The following TSHR variants were observed in gnomAD, a reference collection of about 807,000 sequenced individuals.
TSHR encodes the protein thyrotropin receptor.
Under a neutral mutation model 64.1 loss-of-function variants are expected in TSHR, and 51 were observed. The observed-to-expected ratio is 0.80, with a 90% CI of 0.64 to 1.01. The LOEUF (loss-of-function observed/expected upper bound fraction) is 1.01. Ranked by LOEUF, TSHR falls within the 50% of genes least tolerant of loss-of-function variation. The pLI is 0.00. For missense variants in TSHR, 877 were observed against 942.8 expected, an observed-to-expected ratio of 0.93 and a Z score of 0.91; for synonymous variants, 361 against 361.9, an observed-to-expected ratio of 1.00 and a Z score of 0.03.
intron 2 of TSHR, among the ~76,000 whole-genome samples, 161 bp from the exon 3 acceptor site, chr14:81,068,093 A>T (rs987019349): frequency 3.3e-5 from 5 of 151,486 alleles, no homozygotes; most frequent in Non-Finnish European, 7.4e-5. Flanking sequence ...CTGAAAAAAA[A>T]AGTAGTAAGT....
At chr14:81,081,384 T>C (rs1410067679) in intron 3 of TSHR, among the ~76,000 whole-genome samples, 1 of 152,134 alleles carries the variant, frequency 6.6e-6, no homozygotes, top group Non-Finnish European at 1.5e-5. Context: ...TTACAAAAGA[T>C]AGAGATGAAG....
At chr14:80,985,732 C>T (rs1263633163) in intron 1 of TSHR, among the ~76,000 whole-genome samples, 2 of 152,210 alleles carry the variant, frequency 1.3e-5, no homozygotes, top group Admixed American at 1.3e-4. Context: ...ATGTATGGAA[C>T]TTGCTTCCCC....
At chr14:81,135,205 C>T (rs1256604791) in intron 8 of TSHR, among the ~76,000 whole-genome samples, 1 of 152,112 alleles carries the variant, frequency 6.6e-6, no homozygotes, top group Non-Finnish European at 1.5e-5. Context: ...TGAAAATGTG[C>T]TCTAGGAGAG....
At chr14:81,019,510 GGA>G (rs1883619445) in intron 1 of TSHR, among the ~76,000 whole-genome samples, 1 of 144,566 alleles carries the variant, frequency 6.9e-6, no homozygotes, top group Non-Finnish European at 1.5e-5. Context: ...TGCAGAATGT[GGA>G]GGTTTGTTAC....
chr14:81,027,151 G>T (rs911810273), intron 1 of TSHR, among the ~76,000 whole-genome samples: 6 of 151,324 alleles, frequency 4.0e-5, no homozygotes, highest in Non-Finnish European at 7.4e-5. Context: ...AAATAGAAAA[G>T]AAAAAAGACT....
chr14:80,979,822 C>T (rs931906514), intron 1 of TSHR, among the ~76,000 whole-genome samples: 1 of 152,188 alleles, frequency 6.6e-6, no homozygotes, highest in Admixed American at 6.5e-5. Context: ...TTGTTTTCAT[C>T]TGAGTTCTCA....
At chr14:81,129,882 T>C (rs1891167448) in intron 8 of TSHR, among the ~76,000 whole-genome samples, 1 of 152,196 alleles carries the variant, frequency 6.6e-6, no homozygotes, top group African/African-American at 2.4e-5. Context: ...TCTCCCTTCT[T>C]CCCTAATCAT....
chr14:81,103,160 G>A lies in TSHR; in HGVS notation c.615-5215G>A. ...AGGATTGAGCTATAGGTGAAGGAAA[G>A]AAAGGTCAAGGTTCCATGGTAATAA... On this transcript the variant is annotated intron_variant, in intron 7 of 9. Transcript: ENST00000298171. The surrounding 1 kb of genome is among the most constrained non-coding windows in gnomAD (Gnocchi z 4.1). The A allele has an allele frequency of 1.0e-6, 1 of 985,460 alleles. No homozygotes were observed. Among genetic ancestry groups the A allele is most frequent in the Non-Finnish European group, 1.2e-6 (1 of 829,930 alleles). The allele number at this position is 985,460 out of a possible 1,614,324, so 61.0% of individuals were successfully genotyped here. A position where few individuals can be genotyped will look rare whatever the true frequency, so the allele number is the denominator to read the frequency against.
At position 80,965,136 on chromosome 14, in the gene TSHR, G is replaced by C. The variant is rs143470232; in HGVS notation, c.170+9286G>C. On this transcript the variant is annotated intron_variant, in intron 1 of 9. Coordinates refer to ENST00000298171, the MANE Select transcript of TSHR (RefSeq NM_000369.5). Reference sequence around the variant, plus strand: ...AGGGAGGAGGAGGTAACGATTGGTCGGCTGCTTAATTGATCATGGGTTCAT... The same window carrying C: ...AGGGAGGAGGAGGTAACGATTGGTCCGCTGCTTAATTGATCATGGGTTCAT... Among the ~76,000 whole-genome samples the C allele has an allele frequency of 6.6e-5, 10 of 152,270 alleles. No homozygotes were observed. The South Asian group carries it at 8.3e-4, about 13-fold the overall frequency.
At chr14:81,041,777 C>G (rs1286937223) in intron 1 of TSHR, among the ~76,000 whole-genome samples, 1 of 152,050 alleles carries the variant, frequency 6.6e-6, no homozygotes, top group African/African-American at 2.4e-5. Flanking sequence ...CTTAGGTACA[C>G]AGATATTTAC....
chr14:81,132,303 T>C (rs1180322770), intron 8 of TSHR, among the ~76,000 whole-genome samples: 1 of 152,218 alleles, frequency 6.6e-6, no homozygotes, highest in Non-Finnish European at 1.5e-5. Context: ...AGCCAATTAG[T>C]GCTTCTTTAA....
intron 1 of TSHR, among the ~76,000 whole-genome samples, chr14:80,977,635 T>A (rs1887945782): frequency 6.6e-6 from 1 of 152,220 alleles, no homozygotes; most frequent in Non-Finnish European, 1.5e-5. Context: ...ACCTCTTTTT[T>A]CACTTTTCAC....
At chr14:81,010,826 T>C (rs1889863928) in intron 1 of TSHR, among the ~76,000 whole-genome samples, 1 of 150,324 alleles carries the variant, frequency 6.7e-6, no homozygotes, top group Non-Finnish European at 1.5e-5. Context: ...ACATGTAAGA[T>C]GTATCAGTCA....
At chr14:81,009,847 G>A (rs917407865) in intron 1 of TSHR, among the ~76,000 whole-genome samples, 7 of 152,030 alleles carry the variant, frequency 4.6e-5, no homozygotes, top group African/African-American at 1.7e-4. Flanking sequence ...ACATCCTTGT[G>A]TATTCTTGTG....
At chr14:81,071,762 AAAATAAAT>A (rs34030078) in intron 3 of TSHR, among the ~76,000 whole-genome samples, 14 of 151,998 alleles carry the variant, frequency 9.2e-5, no homozygotes, top group African/African-American at 3.4e-4. Context: ...GCTGGTCTCT[AAAATAAAT>A]AAATAAATAA....
chr14:81,116,097 C>T (rs1890494155), intron 8 of TSHR, among the ~76,000 whole-genome samples: 1 of 151,906 alleles, frequency 6.6e-6, no homozygotes, highest in African/African-American at 2.4e-5. Flanking sequence ...TAAAGACCAT[C>T]GAGACTAGGA....
At chr14:81,036,770 A>T (rs1799385635) in intron 1 of TSHR, among the ~76,000 whole-genome samples, 1 of 152,230 alleles carries the variant, frequency 6.6e-6, no homozygotes, top group Non-Finnish European at 1.5e-5. Context: ...AAAATGGTCA[A>T]TGATTACTAT....
chr14:80,981,664 G>A (rs1219206239), intron 1 of TSHR, among the ~76,000 whole-genome samples: 1 of 152,148 alleles, frequency 6.6e-6, no homozygotes, highest in Non-Finnish European at 1.5e-5. Context: ...CTAAGAAAGA[G>A]AACAAAAACT....
At chr14:81,053,239 CT>C (rs1885535476) in intron 1 of TSHR, 1 of 152,128 alleles carries the variant, frequency 6.6e-6, no homozygotes, top group South Asian at 2.1e-4. Context: ...AATAATTTTT[CT>C]TACTGAGCCT....
Sources: gnomAD v4.1 joint callset for allele counts (sites outside exome capture counted in the v4.1 genomes callset) on GRCh38, gnomAD v4.1.1 for gene constraint, Gnocchi (gnomAD v3.1) non-coding constraint, MANE v1.5 for transcripts, NCBI Gene and HGNC (gene_info 2026-07-23, HGNC 2026-07-21) for gene names.